The following RNF144B variants were observed in gnomAD, a reference collection of about 807,000 sequenced individuals.
The protein encoded by RNF144B is E3 ubiquitin-protein ligase RNF144B.
RNF144B carries 25 observed loss-of-function variants against 40.2 expected under a neutral mutation model. That is an observed-to-expected ratio of 0.62 (90% CI 0.45 to 0.87). The LOEUF is 0.87. Ranked by LOEUF, RNF144B falls within the 40% of genes least tolerant of loss-of-function variation. RNF144B has a pLI of 0.00. For missense variants in RNF144B, 365 were observed against 373.7 expected (o/e 0.98, Z 0.19); for synonymous variants, 145 against 136.3 (o/e 1.06, Z -0.44).
At position 18,468,794 on chromosome 6, in the gene RNF144B, C is replaced by T. The variant is rs904990089; in HGVS notation, c.*3727C>T. 1 of 152,102 alleles carries T rather than the reference C, an allele frequency of 6.6e-6. No individual in the cohort carries two copies. The highest frequency in any genetic ancestry group is 2.1e-4 in the South Asian group (1 of 4,832). 9.4% of individuals were successfully genotyped at this position (152,102 alleles called of 1,614,324 possible). On this transcript the variant is annotated 3_prime_UTR_variant, in exon 8 of 8. Transcript: ENST00000259939. ...TTTTATGTATTTAAAAAATTGCTAT[C>T]GTGTTATATTTTTCCAATTTTTGGA... is the stretch of plus-strand genomic sequence containing the variant.
rs1207426173 is a variant in RNF144B, at chr6:18,400,168, G to A, written c.165+469G>A. The stretch of plus-strand genomic sequence containing the variant: ...GGCGCCTGTAGTCCCAGCTACTCGG[G>A]AGGCGGAGGCAGGAGAATGGCGTGA... On this transcript the variant is annotated intron_variant, in intron 2 of 7. Transcript: ENST00000259939. The surrounding 1 kb of genome is among the most constrained non-coding windows in gnomAD (Gnocchi z 5.6). 6.6e-6 allele frequency among the ~76,000 whole-genome samples: 1 copy of A among 151,998 alleles called. No homozygotes were observed. The highest frequency in any genetic ancestry group is 1.5e-5 in the Non-Finnish European group (1 of 68,024).
rs1489976368 is a variant in RNF144B at position 18,406,095 on chromosome 6, G to C, written c.165+6396G>C. Reference sequence around the variant, plus strand: ...TTGCTGTGTCTTGCATAGTTCTGATGGTTTGAATATAGTGGTGAACGATCA... The same window carrying C: ...TTGCTGTGTCTTGCATAGTTCTGATCGTTTGAATATAGTGGTGAACGATCA... On this transcript the variant is annotated intron_variant, in intron 2 of 7. Coordinates refer to ENST00000259939, the MANE Select transcript of RNF144B (RefSeq NM_182757.4). The surrounding 1 kb of genome is among the most constrained non-coding windows in gnomAD (Gnocchi z 4.2). 5.8e-6 allele frequency: 3 copies of C among 518,940 alleles called. No homozygotes were observed. The highest frequency in any genetic ancestry group is 1.2e-5 in the Non-Finnish European group (3 of 259,848). 32.1% of individuals were successfully genotyped at this position (518,940 alleles called of 1,614,324 possible).
intron 3 of RNF144B, among the ~76,000 whole-genome samples, chr6:18,430,055 A>G (rs62397751): frequency 1.3e-5 from 2 of 151,828 alleles, no homozygotes. Context: ...ATAAGTGAAT[A>G]GCTTGGTGAA....
At position 18,465,863 on chromosome 6, in the gene RNF144B, C is replaced by T. The variant is rs1039542214; in HGVS notation, c.*796C>T. On this transcript the variant is annotated 3_prime_UTR_variant, in exon 8 of 8. Coordinates refer to ENST00000259939, the MANE Select transcript of RNF144B (RefSeq NM_182757.4). ...CTACAGAATTGTTTCATATAAAATA[C>T]GGGTAGAGTGGTAGAGTTTCAAAAC... is the stretch of plus-strand genomic sequence containing the variant. 9.2e-5 allele frequency: 14 copies of T among 152,286 alleles called. No individual in the cohort carries two copies. The highest frequency in any genetic ancestry group is 3.9e-4 in the Admixed American group (6 of 15,298). 9.4% of individuals were successfully genotyped at this position (152,286 alleles called of 1,614,324 possible). A position where few individuals can be genotyped will look rare whatever the true frequency, so the allele number is the denominator to read the frequency against.
rs1040333108 is a variant in RNF144B, at chr6:18,456,531, C to G, written c.332-624C>G. The stretch of plus-strand genomic sequence containing the variant: ...TGTAGAAGGGATTTGAGATTTTTGC[C>G]TATTTTACGTGCTCAAAGGTGGGAA... On this transcript the variant is annotated intron_variant, in intron 4 of 7. Transcript: ENST00000259939. This position sits in a 1 kb window ranked among gnomAD's most constrained non-coding sequence, Gnocchi z 4.7. Among the ~76,000 whole-genome samples, 1 of 152,120 alleles carries G rather than the reference C, an allele frequency of 6.6e-6. No individual in the cohort carries two copies. Among genetic ancestry groups the G allele is most frequent in the African/African-American group, 2.4e-5 (1 of 41,424 alleles).
rs1758988708 is a variant in RNF144B at position 18,442,608 on chromosome 6, C to T, written c.331+2864C>T. 6.6e-6 allele frequency among the ~76,000 whole-genome samples: 1 copy of T among 152,142 alleles called. No homozygotes were observed. Among genetic ancestry groups the T allele is most frequent in the African/African-American group, 2.4e-5 (1 of 41,432 alleles). Reference sequence around the variant, plus strand: ...CATTTTTAGATGTGCAATTCAGTGACATTAATTACATTCATACAGTTGTGC... The same window carrying T: ...CATTTTTAGATGTGCAATTCAGTGATATTAATTACATTCATACAGTTGTGC... On this transcript the variant is annotated intron_variant, in intron 4 of 7. Coordinates refer to ENST00000259939, the MANE Select transcript of RNF144B (RefSeq NM_182757.4). The surrounding 1 kb of genome is among the most constrained non-coding windows in gnomAD (Gnocchi z 4.3).
rs992199537 is a variant in RNF144B, at chr6:18,405,709, T to A, written c.165+6010T>A. Among the ~76,000 whole-genome samples, 6 of 152,230 alleles carry A rather than the reference T, an allele frequency of 3.9e-5. No individual in the cohort carries two copies. The highest frequency in any genetic ancestry group is 1.4e-4 in the African/African-American group (6 of 41,466). ...ACAACGGAGCCACTGCAGGGTCAGA[T>A]GGCATCTGTGGAAAAAGAGCAAACA... is the stretch of plus-strand genomic sequence containing the variant. On this transcript the variant is annotated intron_variant, in intron 2 of 7. Transcript: ENST00000259939. The surrounding 1 kb of genome is among the most constrained non-coding windows in gnomAD (Gnocchi z 4.5).
chr6:18,422,313 G>T lies in RNF144B; in HGVS notation c.166-5268G>T, dbSNP rs1758444068. Among the ~76,000 whole-genome samples the T allele has an allele frequency of 2.6e-5, 4 of 152,180 alleles. No homozygotes were observed. Among genetic ancestry groups the T allele is most frequent in the Admixed American group, 2.0e-4 (3 of 15,286 alleles). On this transcript the variant is annotated intron_variant, in intron 2 of 7. Transcript: ENST00000259939. This position sits in a 1 kb window ranked among gnomAD's most constrained non-coding sequence, Gnocchi z 4.7. ...TAGTCTGAAGTGGAATAAGCAGAAT[G>T]TTGTTCTCAGTGTGAGATGTTATTT...
At chr6:18,439,264 C>A (rs1454850654) in intron 3 of RNF144B, among the ~76,000 whole-genome samples, 2 of 152,128 alleles carry the variant, frequency 1.3e-5, no homozygotes, top group African/African-American at 2.4e-5. Context: ...TCCTGAGATG[C>A]TGTCTACCTG....
At position 18,425,293 on chromosome 6, in the gene RNF144B, T is replaced by A. The variant is rs149634878; in HGVS notation, c.166-2288T>A. Among the ~76,000 whole-genome samples, 71 of 152,304 alleles carry A rather than the reference T, an allele frequency of 4.7e-4. 1 individual carries two copies. Among genetic ancestry groups the A allele is most frequent in the East Asian group, 4.6e-3 (24 of 5,190 alleles). ...AGACTATATCTTTCAGTCTTTTTAC[T>A]TAAATTTCTTTAAGTGGCTGCTGGG... On this transcript the variant is annotated intron_variant, in intron 2 of 7. Transcript: ENST00000259939. The surrounding 1 kb of genome is among the most constrained non-coding windows in gnomAD (Gnocchi z 4.2).
In RNF144B at chr6:18,387,540, C is replaced by T. The variant is rs1462176233; in HGVS notation, c.-127C>T. The T allele has an allele frequency of 1.3e-6, 1 of 787,494 alleles. No homozygotes were observed. The allele number at this position is 787,494 out of a possible 1,614,324, so 48.8% of individuals were successfully genotyped here. ...AAAGACGGAGAGAATGGAAGAGCTCCTGTCCGGTGTGCCAGCAGCCCGGAC... is the reference window on the plus strand; with the variant it reads ...AAAGACGGAGAGAATGGAAGAGCTCTTGTCCGGTGTGCCAGCAGCCCGGAC... On this transcript the variant is annotated 5_prime_UTR_variant, in exon 1 of 8. Coordinates refer to ENST00000259939, the MANE Select transcript of RNF144B (RefSeq NM_182757.4).
At chr6:18,455,602 G>T (rs944441672) in intron 4 of RNF144B, among the ~76,000 whole-genome samples, 7 of 152,022 alleles carry the variant, frequency 4.6e-5, no homozygotes, top group African/African-American at 1.7e-4. Context: ...TTCAAATTTT[G>T]CAAAATACCT....
rs375430384 is a variant in RNF144B at position 18,414,861 on chromosome 6, G to A, written c.166-12720G>A. Among the ~76,000 whole-genome samples the A allele has an allele frequency of 6.6e-6, 1 of 152,128 alleles. No individual in the cohort carries two copies. Among genetic ancestry groups the A allele is most frequent in the Non-Finnish European group, 1.5e-5 (1 of 68,004 alleles). On this transcript the variant is annotated intron_variant, in intron 2 of 7. Coordinates refer to ENST00000259939, the MANE Select transcript of RNF144B (RefSeq NM_182757.4). This position sits in a 1 kb window ranked among gnomAD's most constrained non-coding sequence, Gnocchi z 4.9. The stretch of plus-strand genomic sequence containing the variant: ...GATGGAAAAAATTGTACAACAGTTT[G>A]TTATGAAACAAGATAAAGATTTTTA...
At position 18,466,213 on chromosome 6, in the gene RNF144B, A is replaced by G. The variant is rs1759568383; in HGVS notation, c.*1146A>G. On this transcript the variant is annotated 3_prime_UTR_variant, in exon 8 of 8. Transcript: ENST00000259939. Reference sequence around the variant, plus strand: ...GTAAGTTCATAACTTACCCAAGGGTATAGACTCATAACTCTTTTAAAACAG... The same window carrying G: ...GTAAGTTCATAACTTACCCAAGGGTGTAGACTCATAACTCTTTTAAAACAG... 6.6e-6 allele frequency: 1 copy of G among 152,108 alleles called. No individual in the cohort carries two copies. Among genetic ancestry groups the G allele is most frequent in the Non-Finnish European group, 1.5e-5 (1 of 68,034 alleles). The allele number at this position is 152,108 out of a possible 1,614,324, so 9.4% of individuals were successfully genotyped here. A position where few individuals can be genotyped will look rare whatever the true frequency, so the allele number is the denominator to read the frequency against.
chr6:18,459,173 T>C lies in RNF144B; in HGVS notation c.537-434T>C, dbSNP rs112316253. On this transcript the variant is annotated intron_variant, in intron 5 of 7. Coordinates refer to ENST00000259939, the MANE Select transcript of RNF144B (RefSeq NM_182757.4). This position sits in a 1 kb window ranked among gnomAD's most constrained non-coding sequence, Gnocchi z 4.2. ...TATTCGTCTGTTTGGAGAAGGTCTTTTGAAAGTATTTGACATTATTTTAAA... is the reference window on the plus strand; with the variant it reads ...TATTCGTCTGTTTGGAGAAGGTCTTCTGAAAGTATTTGACATTATTTTAAA... Among the ~76,000 whole-genome samples, 6 of 152,314 alleles carry C rather than the reference T, an allele frequency of 3.9e-5. No individual in the cohort carries two copies. The highest frequency in any genetic ancestry group is 1.3e-4 in the Admixed American group (2 of 15,300).
At chr6:18,449,291 G>C (rs2113526337) in intron 4 of RNF144B, among the ~76,000 whole-genome samples, 1 of 152,300 alleles carries the variant, frequency 6.6e-6, no homozygotes, top group South Asian at 2.1e-4. Context: ...ATAGGTTTAA[G>C]TGCAATTTTT....
Position 18,442,981 on chromosome 6 carries a change from T to C in RNF144B, c.331+3237T>C, listed in dbSNP as rs1758998158. 6.6e-6 allele frequency among the ~76,000 whole-genome samples: 1 copy of C among 152,232 alleles called. No individual in the cohort carries two copies. Among genetic ancestry groups the C allele is most frequent in the African/African-American group, 2.4e-5 (1 of 41,452 alleles). On this transcript the variant is annotated intron_variant, in intron 4 of 7. Transcript: ENST00000259939. The surrounding 1 kb of genome is among the most constrained non-coding windows in gnomAD (Gnocchi z 4.3). ...TCCACCTTTTGGCTACTGTAAGTAA[T>C]GCTGCTGTGAACACTGGGGTATAAT...
At position 18,444,909 on chromosome 6, in the gene RNF144B, T is replaced by A. The variant is rs1759044658; in HGVS notation, c.331+5165T>A. Among the ~76,000 whole-genome samples, 1 of 152,250 alleles carries A rather than the reference T, an allele frequency of 6.6e-6. No homozygotes were observed. Among genetic ancestry groups the A allele is most frequent in the African/African-American group, 2.4e-5 (1 of 41,474 alleles). On this transcript the variant is annotated intron_variant, in intron 4 of 7. Coordinates refer to ENST00000259939, the MANE Select transcript of RNF144B (RefSeq NM_182757.4). This position sits in a 1 kb window ranked among gnomAD's most constrained non-coding sequence, Gnocchi z 4.3. ...TCACATTTATGATATTACTCTAGTT[T>A]CACCTTGCTCTTTTATTTGTCCTTG...
chr6:18,409,109 G>T (rs1032867693), intron 2 of RNF144B, among the ~76,000 whole-genome samples: 4 of 151,882 alleles, frequency 2.6e-5, no homozygotes, highest in Non-Finnish European at 4.4e-5. Flanking sequence ...TGGAAAATTT[G>T]GCTAGGTGTG....
Sources: gnomAD v4.1 joint callset for allele counts (sites outside exome capture counted in the v4.1 genomes callset) on GRCh38, gnomAD v4.1.1 for gene constraint, Gnocchi (gnomAD v3.1) non-coding constraint, MANE v1.5 for transcripts, NCBI Gene and HGNC (gene_info 2026-07-23, HGNC 2026-07-21) for gene names.